Variants in PRDM16 observed in about 807,000 individuals in gnomAD.
The protein encoded by PRDM16 is histone-lysine N-methyltransferase PRDM16.
Under a neutral mutation model 110.6 loss-of-function variants are expected in PRDM16, and 23 were observed. The ratio of observed to expected loss-of-function variants is 0.21; its 90% CI spans 0.15 to 0.29. PRDM16 has a LOEUF of 0.29. Ranked by LOEUF, PRDM16 falls within the 10% of genes least tolerant of loss-of-function variation. The probability of loss-of-function intolerance (pLI) is 1.00; values close to 1 mark genes in which losing one functional copy is unlikely to be tolerated. For synonymous variants in PRDM16, 799 were observed against 781.8 expected (o/e 1.02, Z -0.37); for missense variants, 1,615 against 1,794.3 (o/e 0.90, Z 1.81).
chr1:3,273,328 G>A (rs1305133644), intron 3 of PRDM16, among the ~76,000 whole-genome samples: 3 of 152,192 alleles, frequency 2.0e-5, no homozygotes, highest in Admixed American at 1.3e-4. Context: ...TTCTGGGCAG[G>A]AGTGGGGAGC....
rs765302508 is a variant in PRDM16, at chr1:3,148,359, C to CCCAGGAG, written c.38-37757_38-37751dup. 2.0e-5 allele frequency among the ~76,000 whole-genome samples: 3 copies of CCCAGGAG among 152,110 alleles called. No homozygotes were observed. Among genetic ancestry groups the CCCAGGAG allele is most frequent in the Non-Finnish European group, 2.9e-5 (2 of 67,998 alleles). On this transcript the variant is annotated intron_variant, in intron 1 of 16. Coordinates refer to ENST00000270722, the MANE Select transcript of PRDM16 (RefSeq NM_022114.4). The surrounding 1 kb of genome is among the most constrained non-coding windows in gnomAD (Gnocchi z 5.0). ...GTCCCTCACCAGGCAGCCCTGCAAACCCAGGAGCCAGGAGCTGCAGGAGGG... is the reference window on the plus strand; with the variant it reads ...GTCCCTCACCAGGCAGCCCTGCAAACCCAGGAGCCAGGAGCCAGGAGCTGCAGGAGGG...
chr1:3,082,047 C>T (rs142918104), intron 1 of PRDM16, among the ~76,000 whole-genome samples: 20 of 152,318 alleles, frequency 1.3e-4, no homozygotes, highest in Middle Eastern at 3.4e-3. Context: ...AATCGAACAC[C>T]GCCAGCCTCC....
At position 3,396,538 on chromosome 1, in the gene PRDM16, G is replaced by A; in HGVS notation, c.621G>A (p.Leu207=). The A allele has an allele frequency of 4.4e-6, 7 of 1,607,666 alleles. No homozygotes were observed. The highest frequency in any genetic ancestry group is 5.9e-6 in the Non-Finnish European group (7 of 1,176,892). Reference sequence around the variant, plus strand: ...ACATTGAGCCAGGTGAGGAGCTGCTGGTGCACGTGAAGGAAGGCGTCTACC... The same window carrying A: ...ACATTGAGCCAGGTGAGGAGCTGCTAGTGCACGTGAAGGAAGGCGTCTACC... The part of the protein sequence containing the change: ...IKDIEPGEEL[L]VHVKEGVYPL... The change falls in exon 5 of 17, where the codon CTG becomes CTA. Residue 207 remains leucine (L), a synonymous_variant. Transcript: ENST00000270722.
rs1236763972 is a variant in PRDM16, at chr1:3,069,520, C to T, written c.37+224C>T. Among the ~76,000 whole-genome samples, 6 of 147,660 alleles carry T rather than the reference C, an allele frequency of 4.1e-5. No individual in the cohort carries two copies. The highest frequency in any genetic ancestry group is 6.0e-5 in the Non-Finnish European group (4 of 66,356). ...CGGGCCGCGCGCTCCCCGAAGGCGC[C>T]GGCCCCCTCCCCGCGGAACCCCCTC... is the stretch of plus-strand genomic sequence containing the variant. On this transcript the variant is annotated intron_variant, in intron 1 of 16. Transcript: ENST00000270722. The surrounding 1 kb of genome is among the most constrained non-coding windows in gnomAD (Gnocchi z 6.1).
chr1:3,411,977 A>G lies in PRDM16; in HGVS notation c.1780A>G (p.Arg594Gly), dbSNP rs371292826. ...CTCCTGTGTGGAGAAGCTGAAGACC[A>G]GGAGCAGCGACATGTCGGACGGCAG... is the stretch of plus-strand genomic sequence containing the variant. ...EDSCVEKLKTRSSDMSDGSDF... is the reference protein window; with the variant it reads ...EDSCVEKLKTGSSDMSDGSDF... The change falls in exon 9 of 17, where the codon AGG (arginine) becomes GGG (glycine). Residue 594 changes from arginine (R) to glycine (G), a missense_variant. By Grantham distance (125) the Arg-to-Gly change is moderately radical. Transcript: ENST00000270722. 8.7e-6 allele frequency: 14 copies of G among 1,613,588 alleles called. 1 individual carries two copies. The highest frequency in any genetic ancestry group is 8.0e-5 in the African/African-American group (6 of 74,926).
At chr1:3,074,355 G>A (rs1641841297) in intron 1 of PRDM16, among the ~76,000 whole-genome samples, 1 of 152,158 alleles carries the variant, frequency 6.6e-6, no homozygotes, top group African/African-American at 2.4e-5. Context: ...TTCTTATGTA[G>A]CATTCCCCTC....
At chr1:3,113,236 G>A (rs1005951738) in intron 1 of PRDM16, among the ~76,000 whole-genome samples, 4 of 152,242 alleles carry the variant, frequency 2.6e-5, no homozygotes, top group Non-Finnish European at 5.9e-5. Context: ...GCCCGTCTGC[G>A]GTGGCCTGGC....
chr1:3,214,494 C>T (rs1638975016), intron 2 of PRDM16, among the ~76,000 whole-genome samples: 1 of 152,112 alleles, frequency 6.6e-6, no homozygotes, highest in East Asian at 1.9e-4. Flanking sequence ...GTTGGGAGTT[C>T]AAGACCAGCC....
Position 3,417,946 on chromosome 1 carries a change from C to T in PRDM16, c.2810C>T (p.Pro937Leu), listed in dbSNP as rs747152216. Reference sequence around the variant, plus strand: ...CCCTTCAACTTCCGGTCCCCACCCCCAACGCTCTCCGACCCCATCCTCAGG... The same window carrying T: ...CCCTTCAACTTCCGGTCCCCACCCCTAACGCTCTCCGACCCCATCCTCAGG... ...HHPFNFRSPP[P>L]TLSDPILRKG... is the part of the protein sequence containing the mutation. Residue 937 changes from proline to leucine, a missense_variant, in exon 11 of 17, where the codon CCA becomes CTA. Pro to Leu is a moderately conservative substitution (Grantham distance 98). Transcript: ENST00000270722. 1.8e-5 allele frequency: 29 copies of T among 1,613,140 alleles called. No homozygotes were observed. The highest frequency in any genetic ancestry group is 1.7e-4 in the Admixed American group (10 of 59,998).
At chr1:3,230,757 G>A (rs1481801976) in intron 2 of PRDM16, among the ~76,000 whole-genome samples, 1 of 152,218 alleles carries the variant, frequency 6.6e-6, no homozygotes, top group East Asian at 1.9e-4. Flanking sequence ...CTGGCTGTGT[G>A]GTGCCTGCGC....
intron 3 of PRDM16, among the ~76,000 whole-genome samples, chr1:3,251,470 A>C (rs1011370861): frequency 2.0e-5 from 3 of 152,114 alleles, no homozygotes; most frequent in Non-Finnish European, 4.4e-5. Context: ...GGGACCAGTC[A>C]GGGTGGTGGG....
intron 3 of PRDM16, among the ~76,000 whole-genome samples, chr1:3,266,379 C>T (rs929422852): frequency 7.2e-5 from 11 of 152,196 alleles, no homozygotes; most frequent in Non-Finnish European, 1.5e-4. Context: ...CGCGCCGGAG[C>T]CTTTTCGCCC....
At chr1:3,365,471 A>G (rs1198457341) in intron 3 of PRDM16, among the ~76,000 whole-genome samples, 2 of 152,220 alleles carry the variant, frequency 1.3e-5, no homozygotes, top group Non-Finnish European at 2.9e-5. Context: ...CTTCCTCCTT[A>G]TATTGGGCAG....
At chr1:3,116,317 G>C (rs932106818) in intron 1 of PRDM16, among the ~76,000 whole-genome samples, 1 of 152,150 alleles carries the variant, frequency 6.6e-6, no homozygotes, top group Non-Finnish European at 1.5e-5. Flanking sequence ...CTCACTCCGC[G>C]GTGCGTGCTT....
chr1:3,314,750 G>A (rs1641559032), intron 3 of PRDM16, among the ~76,000 whole-genome samples: 2 of 152,026 alleles, frequency 1.3e-5, no homozygotes. Context: ...TCTAGTTCGG[G>A]TTCAGTTGCT....
chr1:3,377,932 G>A (rs1337460875), intron 3 of PRDM16, among the ~76,000 whole-genome samples: 1 of 152,206 alleles, frequency 6.6e-6, no homozygotes, highest in Non-Finnish European at 1.5e-5. Flanking sequence ...GAACATCCCA[G>A]GCCTCAGGCC....
chr1:3,378,067 G>A (rs999057792), intron 3 of PRDM16, among the ~76,000 whole-genome samples: 7 of 152,348 alleles, frequency 4.6e-5, no homozygotes, highest in Admixed American at 2.6e-4. Context: ...CTGGGCTCGC[G>A]CCCTAGGGCA....
chr1:3,338,388 A>G (rs1642204647), intron 3 of PRDM16, among the ~76,000 whole-genome samples: 1 of 152,198 alleles, frequency 6.6e-6, no homozygotes, highest in African/African-American at 2.4e-5. Flanking sequence ...TCACAAACAC[A>G]CTGTCCAGGG....
intron 1 of PRDM16, among the ~76,000 whole-genome samples, chr1:3,103,292 C>A (rs1332642556): frequency 1.3e-5 from 2 of 152,228 alleles, no homozygotes; most frequent in Non-Finnish European, 2.9e-5. Flanking sequence ...TGTCTTCTGC[C>A]TGTGTCTTCA....
Sources: gnomAD v4.1 joint callset for allele counts (sites outside exome capture counted in the v4.1 genomes callset) on GRCh38, gnomAD v4.1.1 for gene constraint, Gnocchi (gnomAD v3.1) non-coding constraint, MANE v1.5 for transcripts, NCBI Gene and HGNC (gene_info 2026-07-23, HGNC 2026-07-21) for gene names.